MBD5: variants seen among roughly 807,000 people sequenced by gnomAD.
MBD5 encodes the protein methyl-CpG binding domain protein 5.
MBD5 carries 13 observed loss-of-function variants against 117.3 expected under a neutral mutation model. The ratio of observed to expected loss-of-function variants is 0.11; its 90% CI spans 0.07 to 0.18. The LOEUF is 0.18. Ranked by LOEUF, MBD5 falls within the 10% of genes least tolerant of loss-of-function variation. The pLI is 1.00. For missense variants in MBD5, 1,879 were observed against 2,093.8 expected (o/e 0.90, Z 2.00); for synonymous variants, 727 against 766.4 (o/e 0.95, Z 0.85).
intron 4 of MBD5, chr2:148,347,444 G>A (rs1433300008): frequency 6.6e-6 from 1 of 151,882 alleles, no homozygotes; most frequent in Non-Finnish European, 1.5e-5. Flanking sequence ...GCCTCTATAA[G>A]AATTTAATTA....
intron 4 of MBD5, among the ~76,000 whole-genome samples, chr2:148,435,665 C>T (rs1239263637): frequency 1.3e-5 from 2 of 152,162 alleles, no homozygotes; most frequent in East Asian, 3.9e-4. Flanking sequence ...CCTCTAGCTG[C>T]CTTTAACATT....
intron 1 of MBD5, among the ~76,000 whole-genome samples, chr2:148,106,481 A>G (rs1696375450): frequency 6.6e-6 from 1 of 151,976 alleles, no homozygotes; most frequent in Non-Finnish European, 1.5e-5. Context: ...AAAGAAAAAC[A>G]TATAACTAAT....
chr2:148,399,488 T>G (rs1221331092), intron 4 of MBD5, among the ~76,000 whole-genome samples: 7 of 152,176 alleles, frequency 4.6e-5, no homozygotes, highest in Non-Finnish European at 1.5e-5. Flanking sequence ...GCTTGTGATT[T>G]TAGCACATGG....
Position 148,274,196 on chromosome 2 carries a change from T to C in MBD5, c.-680+40801T>C, listed in dbSNP as rs1029029059. The stretch of plus-strand genomic sequence containing the variant: ...AACATAATTTTACTTTCTACTATTC[T>C]TATCCTCACCCCCGACACCACCACA... On this transcript the variant is annotated intron_variant, in intron 3 of 13. Transcript: ENST00000642680. Among the ~76,000 whole-genome samples the C allele has an allele frequency of 2.0e-5, 3 of 152,120 alleles. No homozygotes were observed. In the East Asian group the frequency reaches 5.8e-4, roughly 29 times the overall value.
intron 1 of MBD5, among the ~76,000 whole-genome samples, chr2:148,156,962 T>C (rs1220974732): frequency 6.6e-6 from 1 of 152,214 alleles, no homozygotes; most frequent in African/African-American, 2.4e-5. Context: ...CATAGAAAGA[T>C]ACTTCATAAG....
intron 1 of MBD5, among the ~76,000 whole-genome samples, chr2:148,063,952 C>T (rs935373823): frequency 1.3e-5 from 2 of 151,942 alleles, no homozygotes; most frequent in African/African-American, 2.4e-5. Context: ...ACCATTGCCA[C>T]CCTGTTTGCT....
chr2:148,063,536 G>T (rs1573971374), intron 1 of MBD5, among the ~76,000 whole-genome samples: 1 of 140,820 alleles, frequency 7.1e-6, no homozygotes, highest in East Asian at 2.1e-4. Flanking sequence ...AATGAGCATT[G>T]CTATTTTCCA....
At chr2:148,051,155 T>C (rs777673301) in intron 1 of MBD5, among the ~76,000 whole-genome samples, 26 of 152,182 alleles carry the variant, frequency 1.7e-4, no homozygotes, top group Non-Finnish European at 2.8e-4. Context: ...AAATTTATTC[T>C]TAAGTATTTT....
At chr2:148,095,867 A>G (rs1696056749) in intron 1 of MBD5, among the ~76,000 whole-genome samples, 1 of 152,068 alleles carries the variant, frequency 6.6e-6, no homozygotes, top group Non-Finnish European at 1.5e-5. Flanking sequence ...ACCTTAAACC[A>G]TCTTATGTGG....
intron 2 of MBD5, among the ~76,000 whole-genome samples, chr2:148,201,636 G>A (rs1177476360): frequency 6.6e-6 from 1 of 152,124 alleles, no homozygotes; most frequent in Non-Finnish European, 1.5e-5. Context: ...TTCTTGTCCT[G>A]CATCCAAGAA....
intron 1 of MBD5, among the ~76,000 whole-genome samples, chr2:148,080,368 A>G (rs1695618872): frequency 6.6e-6 from 1 of 152,230 alleles, no homozygotes; most frequent in African/African-American, 2.4e-5. Context: ...AAGTAACTTC[A>G]AAAAATGATC....
Position 148,022,168 on chromosome 2 carries a change from C to T in MBD5, c.-925+484C>T, listed in dbSNP as rs17225137. On this transcript the variant is annotated intron_variant, in intron 1 of 13. Transcript: ENST00000642680. ...TCCATTTGTAGACCTGAGTGTTTTC[C>T]CCTTTTTGGTCCTGTATGAGATTTG... Among the ~76,000 whole-genome samples, 9 of 152,098 alleles carry T rather than the reference C, an allele frequency of 5.9e-5. No individual in the cohort carries two copies. The South Asian group carries it at 8.3e-4, about 14-fold the overall frequency.
At chr2:148,408,224 A>G (rs970778879) in intron 4 of MBD5, among the ~76,000 whole-genome samples, 2 of 152,194 alleles carry the variant, frequency 1.3e-5, no homozygotes, top group Admixed American at 6.5e-5. Flanking sequence ...TCAGGTTGCC[A>G]TGGAAATTTT....
chr2:148,232,212 T>C (rs1700004418), intron 2 of MBD5, among the ~76,000 whole-genome samples: 1 of 152,204 alleles, frequency 6.6e-6, no homozygotes, highest in Admixed American at 6.5e-5. Context: ...AGTGATCAGA[T>C]AGGCTTTCAG....
chr2:148,313,161 T>G (rs1213728514), intron 3 of MBD5, among the ~76,000 whole-genome samples: 1 of 152,120 alleles, frequency 6.6e-6, no homozygotes, highest in Admixed American at 6.5e-5. Flanking sequence ...AGTCTATCCC[T>G]TAGCAGAACT....
At chr2:148,247,571 A>G (rs1408535732) in intron 3 of MBD5, among the ~76,000 whole-genome samples, 1 of 152,162 alleles carries the variant, frequency 6.6e-6, no homozygotes, top group African/African-American at 2.4e-5. Flanking sequence ...TTAAGCTTGT[A>G]CAGCGTATTG....
chr2:148,455,603 C>T (rs1706856425), intron 4 of MBD5, among the ~76,000 whole-genome samples: 1 of 151,850 alleles, frequency 6.6e-6, no homozygotes, highest in South Asian at 2.1e-4. Flanking sequence ...TAAGCAAAAC[C>T]CAGCCATCAG....
rs1559065347 is a variant in MBD5, at chr2:148,424,196, A to AC, written c.-556-34007_-556-34006insC. Among the ~76,000 whole-genome samples, 182 of 82,464 alleles carry AC rather than the reference A, an allele frequency of 2.2e-3. 6 individuals carry two copies. Among genetic ancestry groups the AC allele is most frequent in the African/African-American group, 0.012 (178 of 14,746 alleles). 54.1% of individuals were successfully genotyped at this position (82,464 alleles called of 152,430 possible). A position where few individuals can be genotyped will look rare whatever the true frequency, so the allele number is the denominator to read the frequency against. On this transcript the variant is annotated intron_variant, in intron 4 of 13. Coordinates refer to ENST00000642680, the MANE Select transcript of MBD5 (RefSeq NM_001378120.1). Reference sequence around the variant, plus strand: ...CTGTCTCAAAAAAAAAAAAAAAAAAAAAAAAAAAAAAAAAAAAAAACAGCA... The same window carrying AC: ...CTGTCTCAAAAAAAAAAAAAAAAAAACAAAAAAAAAAAAAAAAAAAACAGCA...
chr2:148,374,287 A>G (rs1405055516), intron 4 of MBD5, among the ~76,000 whole-genome samples: 1 of 151,760 alleles, frequency 6.6e-6, no homozygotes, highest in East Asian at 1.9e-4. Context: ...GAACATGCAT[A>G]TGCCCATGTA....
Sources: gnomAD v4.1 joint callset for allele counts (sites outside exome capture counted in the v4.1 genomes callset) on GRCh38, gnomAD v4.1.1 for gene constraint, MANE v1.5 for transcripts, NCBI Gene and HGNC (gene_info 2026-07-23, HGNC 2026-07-21) for gene names.